ELAPOR2: variants seen among roughly 807,000 people sequenced by gnomAD.
The protein encoded by ELAPOR2 is endosome-lysosome associated apoptosis and autophagy regulator family member 2, also known as endosome/lysosome-associated apoptosis and autophagy regulator family member 2.
A neutral mutation model predicts 120.7 loss-of-function variants in ELAPOR2; 89 were observed. That is an observed-to-expected ratio of 0.74 (90% CI 0.62 to 0.88). ELAPOR2 has a LOEUF of 0.88. Ranked by LOEUF, ELAPOR2 falls within the 40% of genes least tolerant of loss-of-function variation. ELAPOR2 has a pLI of 0.00. For synonymous variants in ELAPOR2, 444 were observed against 444.9 expected (o/e 1.00, Z 0.03); for missense variants, 1,134 against 1,251.6 (o/e 0.91, Z 1.42).
At chr7:86,990,869 G>T (rs1013398785) in intron 1 of ELAPOR2, among the ~76,000 whole-genome samples, 1 of 152,172 alleles carries the variant, frequency 6.6e-6, no homozygotes, top group African/African-American at 2.4e-5. Context: ...CTAACTACAA[G>T]AATTTATTTA....
intron 12 of ELAPOR2, among the ~76,000 whole-genome samples, chr7:86,916,372 AG>A (rs1428978375): frequency 1.3e-5 from 2 of 152,188 alleles, no homozygotes; most frequent in Non-Finnish European, 2.9e-5. Flanking sequence ...AAACAGCAAA[AG>A]GAAAAATGTC....
chr7:87,025,833 A>G (rs113163480), intron 1 of ELAPOR2, among the ~76,000 whole-genome samples: 2,989 of 151,548 alleles, frequency 0.02, 104 homozygotes, highest in African/African-American at 0.068. Context: ...GACATATGTT[A>G]TATTTTTGAA....
intron 1 of ELAPOR2, among the ~76,000 whole-genome samples, chr7:86,971,445 A>G (rs1245560393): frequency 6.6e-6 from 1 of 152,196 alleles, no homozygotes; most frequent in Non-Finnish European, 1.5e-5. Context: ...TATTAGAAAT[A>G]TGAACTAAAA....
At chr7:86,935,871 G>T (rs1325200502) in intron 8 of ELAPOR2, among the ~76,000 whole-genome samples, 1 of 151,904 alleles carries the variant, frequency 6.6e-6, no homozygotes, top group African/African-American at 2.4e-5. Flanking sequence ...TCTTAATTAG[G>T]ATTAGAATAA....
intron 12 of ELAPOR2, 40 bp from the exon 13 acceptor site, chr7:86,914,900 A>C (rs1562918825): frequency 6.7e-7 from 1 of 1,502,978 alleles, no homozygotes; most frequent in Middle Eastern, 1.7e-4. Flanking sequence ...ATAAAGCACA[A>C]ACTCAACATT....
Position 87,046,127 on chromosome 7 carries a change from A to C in ELAPOR2, c.189+13198T>G, listed in dbSNP as rs111496909. 2.0e-5 allele frequency among the ~76,000 whole-genome samples: 3 copies of C among 152,348 alleles called. 1 individual carries two copies. Among genetic ancestry groups the C allele is most frequent in the African/African-American group, 7.2e-5 (3 of 41,578 alleles). On this transcript the variant is annotated intron_variant, in intron 1 of 21. Coordinates refer to ENST00000450689, the MANE Select transcript of ELAPOR2 (RefSeq NM_001142749.3). ...AAGGTTGCAGGATACACAAATCAAC[A>C]TACAAAAATCAGTGGCATTTCTATA...
intron 10 of ELAPOR2, among the ~76,000 whole-genome samples, chr7:86,922,931 GA>G (rs1789893425): frequency 1.3e-5 from 2 of 151,688 alleles, no homozygotes; most frequent in Admixed American, 1.3e-4. Context: ...TGTCTATAAG[GA>G]ATATTAAATA....
At chr7:86,974,747 A>G (rs758192349) in intron 1 of ELAPOR2, among the ~76,000 whole-genome samples, 72 of 152,140 alleles carry the variant, frequency 4.7e-4, no homozygotes, top group Non-Finnish European at 9.1e-4. Flanking sequence ...AAATATATTT[A>G]TTTCCCTCAG....
chr7:87,002,573 G>A (rs1793352457), intron 1 of ELAPOR2, among the ~76,000 whole-genome samples: 1 of 152,086 alleles, frequency 6.6e-6, no homozygotes, highest in Non-Finnish European at 1.5e-5. Context: ...AAGATTCTGA[G>A]AGGGGAATTT....
intron 10 of ELAPOR2, among the ~76,000 whole-genome samples, chr7:86,923,131 C>T (rs368605401): frequency 6.6e-6 from 1 of 151,786 alleles, no homozygotes; most frequent in East Asian, 1.9e-4. Context: ...TTTTTCTGAT[C>T]ATCATTCTAT....
intron 1 of ELAPOR2, among the ~76,000 whole-genome samples, chr7:87,044,281 AAG>A: frequency 1.4e-5 from 1 of 72,430 alleles, no homozygotes; most frequent in East Asian, 3.0e-4. Flanking sequence ...GGAACCAAAA[AAG>A]AGCCCGCATC....
chr7:87,027,698 C>A (rs1444105171), intron 1 of ELAPOR2, among the ~76,000 whole-genome samples: 1 of 152,068 alleles, frequency 6.6e-6, no homozygotes, highest in Non-Finnish European at 1.5e-5. Flanking sequence ...GCCATCCATG[C>A]CAAGGAGAGA....
intron 1 of ELAPOR2, among the ~76,000 whole-genome samples, chr7:87,023,234 C>T (rs1794122282): frequency 6.6e-6 from 1 of 152,084 alleles, no homozygotes; most frequent in South Asian, 2.1e-4. Context: ...CTTGAATTAA[C>T]TTTTGTATAA....
intron 7 of ELAPOR2, among the ~76,000 whole-genome samples, chr7:86,938,431 C>T (rs1157123054): frequency 1.3e-5 from 2 of 152,058 alleles, no homozygotes; most frequent in African/African-American, 4.8e-5. Flanking sequence ...TAGTATATCA[C>T]AGTTTTTCCC....
At chr7:86,927,265 C>T (rs1204956848) in intron 8 of ELAPOR2, among the ~76,000 whole-genome samples, 1 of 151,992 alleles carries the variant, frequency 6.6e-6, no homozygotes, top group Non-Finnish European at 1.5e-5. Context: ...TACGCAGCAA[C>T]TTGCTTTTTC....
At chr7:87,045,322 G>A (rs997023937) in intron 1 of ELAPOR2, among the ~76,000 whole-genome samples, 8 of 147,622 alleles carry the variant, frequency 5.4e-5, no homozygotes, top group South Asian at 2.2e-4. Context: ...TGTTTATTGC[G>A]GCATTATTGA....
chr7:87,029,317 T>G (rs553649583), intron 1 of ELAPOR2, among the ~76,000 whole-genome samples: 1 of 152,310 alleles, frequency 6.6e-6, no homozygotes, highest in South Asian at 2.1e-4. Flanking sequence ...AATGGCACTT[T>G]GAAATATAGC....
At chr7:87,001,601 G>A (rs1265723913) in intron 1 of ELAPOR2, among the ~76,000 whole-genome samples, 1 of 152,102 alleles carries the variant, frequency 6.6e-6, no homozygotes, top group African/African-American at 2.4e-5. Flanking sequence ...CCCTAATAAA[G>A]CAAAGTCTTC....
chr7:86,991,394 A>C (rs1792940171), intron 1 of ELAPOR2, among the ~76,000 whole-genome samples: 1 of 152,092 alleles, frequency 6.6e-6, no homozygotes, highest in Non-Finnish European at 1.5e-5. Flanking sequence ...CTGAGGTCTC[A>C]TCTAGTATAC....
Sources: gnomAD v4.1 joint callset for allele counts (sites outside exome capture counted in the v4.1 genomes callset) on GRCh38, gnomAD v4.1.1 for gene constraint, MANE v1.5 for transcripts, NCBI Gene and HGNC (gene_info 2026-07-23, HGNC 2026-07-21) for gene names.